Variants in PHLPP1 observed in about 807,000 individuals in gnomAD.
The protein encoded by PHLPP1 is PH domain and leucine rich repeat protein phosphatase 1.
A neutral mutation model predicts 117.2 loss-of-function variants in PHLPP1; 42 were observed. The observed-to-expected ratio is 0.36, with a 90% CI of 0.28 to 0.46. The LOEUF is 0.46. Ranked by LOEUF, PHLPP1 falls within the 20% of genes least tolerant of loss-of-function variation. The pLI is 1.00. For missense variants in PHLPP1, 2,084 were observed against 2,241.9 expected (o/e 0.93, Z 1.42); for synonymous variants, 1,042 against 970.7 (o/e 1.07, Z -1.37).
chr18:62,799,687 C>G (rs1163753976), intron 1 of PHLPP1, among the ~76,000 whole-genome samples: 2 of 152,106 alleles, frequency 1.3e-5, no homozygotes, highest in Non-Finnish European at 2.9e-5. Flanking sequence ...TTTATGATAC[C>G]CTTGTAGAAT....
chr18:62,864,295 T>A (rs1915714771), intron 4 of PHLPP1, among the ~76,000 whole-genome samples: 1 of 152,222 alleles, frequency 6.6e-6, no homozygotes, highest in Admixed American at 6.5e-5. Context: ...GTACTGGGAT[T>A]ACAGACGTGA....
At chr18:62,919,436 T>C (rs1273335335) in intron 9 of PHLPP1, among the ~76,000 whole-genome samples, 1 of 152,112 alleles carries the variant, frequency 6.6e-6, no homozygotes, top group Non-Finnish European at 1.5e-5. Context: ...GCCAGGGAAG[T>C]GAGGCAAAGA....
At chr18:62,740,640 TA>T (rs1340759589) in intron 1 of PHLPP1, among the ~76,000 whole-genome samples, 21 of 152,228 alleles carry the variant, frequency 1.4e-4, no homozygotes, top group African/African-American at 4.3e-4. Flanking sequence ...AAATTATGGT[TA>T]TTGAAACAAA....
intron 8 of PHLPP1, among the ~76,000 whole-genome samples, chr18:62,909,112 C>T (rs200044751): frequency 0.22 from 476 of 2,124 alleles, no homozygotes; most frequent in Non-Finnish European, 0.28. Flanking sequence ...AGAACAAAGA[C>T]ACCACATACC....
At chr18:62,838,110 A>G (rs1914958243) in intron 2 of PHLPP1, 1 of 152,090 alleles carries the variant, frequency 6.6e-6, no homozygotes, top group African/African-American at 2.4e-5. Context: ...TTTTATTGCA[A>G]CATACAGATT....
intron 5 of PHLPP1, among the ~76,000 whole-genome samples, chr18:62,895,404 C>T (rs1916532848): frequency 6.6e-6 from 1 of 152,182 alleles, no homozygotes; most frequent in South Asian, 2.1e-4. Flanking sequence ...TATGTCTAAA[C>T]ATGGAATGTG....
intron 1 of PHLPP1, among the ~76,000 whole-genome samples, chr18:62,797,857 T>C (rs1013674848): frequency 2.6e-5 from 4 of 152,148 alleles, no homozygotes; most frequent in Non-Finnish European, 5.9e-5. Flanking sequence ...TCCTAAAACC[T>C]GAGGACACTA....
intron 11 of PHLPP1, among the ~76,000 whole-genome samples, chr18:62,943,611 G>A (rs540857644): frequency 6.6e-6 from 1 of 152,246 alleles, no homozygotes; most frequent in Admixed American, 6.5e-5. Flanking sequence ...TGGTGAGAGA[G>A]GGGGCAAAAG....
intron 14 of PHLPP1, among the ~76,000 whole-genome samples, chr18:62,970,438 A>G (rs867305321): frequency 6.6e-6 from 1 of 152,222 alleles, no homozygotes; most frequent in African/African-American, 2.4e-5. Flanking sequence ...TGAATATTCT[A>G]TTAAGAATCA....
intron 6 of PHLPP1, among the ~76,000 whole-genome samples, chr18:62,900,359 T>C (rs1916682275): frequency 6.7e-6 from 1 of 149,336 alleles, no homozygotes; most frequent in African/African-American, 2.5e-5. Flanking sequence ...AAAAAGTTTG[T>C]CCTAGTTACA....
At chr18:62,789,794 C>T (rs1014880330) in intron 1 of PHLPP1, among the ~76,000 whole-genome samples, 5 of 152,094 alleles carry the variant, frequency 3.3e-5, no homozygotes, top group African/African-American at 7.2e-5. Flanking sequence ...AGGCCGCACC[C>T]GAGACCAATT....
At chr18:62,848,027 G>A (rs1295243427) in intron 3 of PHLPP1, among the ~76,000 whole-genome samples, 2 of 152,218 alleles carry the variant, frequency 1.3e-5, no homozygotes, top group South Asian at 2.1e-4. Flanking sequence ...TTCAGCAGAA[G>A]TATCCCTGGC....
chr18:62,975,211 A>T (rs905679151), intron 15 of PHLPP1, among the ~76,000 whole-genome samples, 186 bp from the exon 16 acceptor site: 1 of 152,030 alleles, frequency 6.6e-6, no homozygotes, highest in Non-Finnish European at 1.5e-5. Context: ...GATGTGTGTG[A>T]TGTCAGATTC....
At chr18:62,773,375 A>C (rs1041349893) in intron 1 of PHLPP1, among the ~76,000 whole-genome samples, 2 of 152,184 alleles carry the variant, frequency 1.3e-5, no homozygotes, top group Non-Finnish European at 2.9e-5. Flanking sequence ...TTTGTACTTC[A>C]TGATTTTTTT....
In PHLPP1 at chr18:62,962,436, T is replaced by C. The variant is rs1002216679; in HGVS notation, c.3456-932T>C. 7.3e-4 allele frequency among the ~76,000 whole-genome samples: 111 copies of C among 152,232 alleles called. 1 individual carries two copies. The highest frequency in any genetic ancestry group is 2.6e-3 in the African/African-American group (108 of 41,546). ...GATCCTCCTGTCTCAGCCTCCCGAG[T>C]AGCTGGAGTTACAGGCATGCACCAC... On this transcript the variant is annotated intron_variant, in intron 13 of 16. Coordinates refer to ENST00000262719, the MANE Select transcript of PHLPP1 (RefSeq NM_194449.4).
chr18:62,967,669 T>G (rs941538878), intron 14 of PHLPP1, among the ~76,000 whole-genome samples: 2 of 152,150 alleles, frequency 1.3e-5, no homozygotes, highest in African/African-American at 4.8e-5. Flanking sequence ...AGATAACACA[T>G]TTTGTCATAG....
chr18:62,956,395 C>G lies in PHLPP1; in HGVS notation c.3325-2234C>G, dbSNP rs553017054. On this transcript the variant is annotated intron_variant, in intron 12 of 16. Coordinates refer to ENST00000262719, the MANE Select transcript of PHLPP1 (RefSeq NM_194449.4). ...TGCATGAGGGCAAAGCCCTTATGACCTCATCTGTTCCCAAAGGCCCCACTT... is the reference window on the plus strand; with the variant it reads ...TGCATGAGGGCAAAGCCCTTATGACGTCATCTGTTCCCAAAGGCCCCACTT... Among the ~76,000 whole-genome samples, 4 of 152,246 alleles carry G rather than the reference C, an allele frequency of 2.6e-5. No homozygotes were observed. The East Asian group carries it at 7.7e-4, about 29-fold the overall frequency.
At chr18:62,866,147 G>A (rs1915765119) in intron 4 of PHLPP1, among the ~76,000 whole-genome samples, 1 of 152,048 alleles carries the variant, frequency 6.6e-6, no homozygotes. Context: ...CGGGGGATGG[G>A]GATTAGTGAA....
chr18:62,767,033 C>T (rs1912563503), intron 1 of PHLPP1, among the ~76,000 whole-genome samples: 1 of 152,168 alleles, frequency 6.6e-6, no homozygotes, highest in South Asian at 2.1e-4. Context: ...TCCTGCCAGC[C>T]ACTCTCCTGC....
Sources: allele counts gnomAD v4.1 joint callset (sites outside exome capture counted in the v4.1 genomes callset), GRCh38; gene constraint gnomAD v4.1.1; transcripts MANE v1.5; gene names NCBI Gene and HGNC (gene_info 2026-07-23, HGNC 2026-07-21).